NOX4: variants seen among roughly 807,000 people sequenced by gnomAD.
NOX4 encodes the protein NADPH oxidase 4, also known as kidney oxidase-1.
A neutral mutation model predicts 87.6 loss-of-function variants in NOX4; 69 were observed. The observed-to-expected ratio is 0.79, with a 90% confidence interval of 0.65 to 0.96. NOX4 has a LOEUF of 0.96. Among genes scored for constraint, NOX4 ranks in the 40% least tolerant of loss-of-function variants. NOX4 has a pLI of 0.00. For synonymous variants in NOX4, 275 were observed against 238.2 expected (o/e 1.15, Z -1.42); for missense variants, 680 against 681.5 (o/e 1.00, Z 0.02).
intron 8 of NOX4, among the ~76,000 whole-genome samples, chr11:89,420,210 G>T (rs1020218520): frequency 6.6e-6 from 1 of 152,018 alleles, no homozygotes; most frequent in Non-Finnish European, 1.5e-5. Context: ...TCTGAAAGAG[G>T]TTTAACAATA....
At chr11:89,426,648 A>G (rs1340506246) in intron 7 of NOX4, among the ~76,000 whole-genome samples, 4 of 152,166 alleles carry the variant, frequency 2.6e-5, no homozygotes, top group Admixed American at 2.6e-4. Context: ...CTGAGATCGA[A>G]ATGCAAGGCA....
intron 11 of NOX4, among the ~76,000 whole-genome samples, chr11:89,384,964 T>A (rs777707933): frequency 1.3e-5 from 2 of 152,170 alleles, no homozygotes; most frequent in Non-Finnish European, 2.9e-5. Flanking sequence ...GGTTTATCGA[T>A]GGCAGTTCCA....
chr11:89,523,685 G>A, the NOX4 span, among the ~76,000 whole-genome samples: 1 of 152,214 alleles, frequency 6.6e-6, no homozygotes, highest in South Asian at 2.1e-4. Context: ...TGTTCATGGT[G>A]GCTTTCTTCT....
chr11:89,418,717 T>A (rs576447189), intron 8 of NOX4, among the ~76,000 whole-genome samples: 1 of 151,830 alleles, frequency 6.6e-6, no homozygotes, highest in Non-Finnish European at 1.5e-5. Flanking sequence ...CGAAAGAACA[T>A]TGTGAGAATT....
chr11:89,326,981 T>G (rs1417172470), intron 17 of NOX4, 105 bp from the exon 18 acceptor site: 2 of 1,064,638 alleles, frequency 1.9e-6, no homozygotes, highest in Non-Finnish European at 2.7e-6. Context: ...AAAGTTGATT[T>G]CTTGCTATTT....
the NOX4 span, among the ~76,000 whole-genome samples, chr11:89,505,023 G>A: frequency 1.4e-4 from 22 of 151,968 alleles, no homozygotes; most frequent in African/African-American, 3.9e-4. Flanking sequence ...CTTACCAAGC[G>A]TCTTTTCTAT....
rs371461159 is a variant in NOX4, at chr11:89,477,816, G to T, written c.153+12642C>A. The stretch of plus-strand genomic sequence containing the variant: ...CCAAGAATTTGGGAGCTAAAATGTG[G>T]AAACCACAGCCAATTGGAAAACAAT... On this transcript the variant is annotated intron_variant, in intron 2 of 17. Coordinates refer to ENST00000263317, the MANE Select transcript of NOX4 (RefSeq NM_016931.5). 6.6e-5 allele frequency among the ~76,000 whole-genome samples: 10 copies of T among 152,208 alleles called. No individual in the cohort carries two copies. In the East Asian group the frequency reaches 1.5e-3, roughly 24 times the overall value.
intron 2 of NOX4, among the ~76,000 whole-genome samples, chr11:89,483,092 T>A (rs1338833812): frequency 2.0e-5 from 3 of 152,128 alleles, no homozygotes; most frequent in African/African-American, 7.2e-5. Context: ...TTCTTAATTC[T>A]GTAAAAATCA....
chr11:89,536,289 G>A, the NOX4 span, among the ~76,000 whole-genome samples: 1 of 151,854 alleles, frequency 6.6e-6, no homozygotes, highest in South Asian at 2.1e-4. Flanking sequence ...TGGGACTATA[G>A]GCGCCCGCCA....
At chr11:89,396,020 G>GT (rs1387675837) in intron 11 of NOX4, among the ~76,000 whole-genome samples, 1 of 152,144 alleles carries the variant, frequency 6.6e-6, no homozygotes, top group Non-Finnish European at 1.5e-5. Flanking sequence ...CTTTAAAGTA[G>GT]TTTTTTCCAA....
chr11:89,471,472 A>G (rs916844973), intron 2 of NOX4, among the ~76,000 whole-genome samples: 10 of 152,184 alleles, frequency 6.6e-5, no homozygotes, highest in Non-Finnish European at 1.0e-4. Flanking sequence ...TGGTAAGCAT[A>G]TTTTTATGGT....
the NOX4 span, among the ~76,000 whole-genome samples, chr11:89,579,863 T>A: frequency 2.6e-5 from 4 of 151,890 alleles, no homozygotes; most frequent in Non-Finnish European, 2.9e-5. Flanking sequence ...AGTATACACC[T>A]ATAGAAATTG....
chr11:89,573,176 G>T, the NOX4 span, among the ~76,000 whole-genome samples: 4 of 151,812 alleles, frequency 2.6e-5, 1 homozygote, highest in South Asian at 6.3e-4. Flanking sequence ...ATTATTTTTT[G>T]CAGTCGGTAT....
intron 2 of NOX4, among the ~76,000 whole-genome samples, chr11:89,479,377 T>G (rs1946298902): frequency 6.6e-6 from 1 of 152,160 alleles, no homozygotes; most frequent in Admixed American, 6.5e-5. Context: ...TATTTGCAAT[T>G]TGAAATCAGG....
In NOX4 at chr11:89,478,588, C is replaced by T. The variant is rs185222663; in HGVS notation, c.153+11870G>A. On this transcript the variant is annotated intron_variant, in intron 2 of 17. Coordinates refer to ENST00000263317, the MANE Select transcript of NOX4 (RefSeq NM_016931.5). ...TTGATTTTATCAAGAATCAGAATGA[C>T]GGTCATAAAGGACTTTAACGAATTA... Among the ~76,000 whole-genome samples the T allele has an allele frequency of 2.8e-4, 43 of 152,192 alleles. No individual in the cohort carries two copies. The East Asian group carries it at 7.0e-3, about 25-fold the overall frequency.
chr11:89,503,411 A>C, the NOX4 span, among the ~76,000 whole-genome samples: 1 of 152,038 alleles, frequency 6.6e-6, no homozygotes, highest in East Asian at 1.9e-4. Context: ...TTGGAATAAT[A>C]TAACTGTAGT....
chr11:89,389,047 C>T (rs1227471894), intron 11 of NOX4, among the ~76,000 whole-genome samples: 1 of 152,156 alleles, frequency 6.6e-6, no homozygotes, highest in Non-Finnish European at 1.5e-5. Context: ...GGTCTCCATC[C>T]CAAGCTGTGG....
At chr11:89,532,495 G>C in the NOX4 span, among the ~76,000 whole-genome samples, 82 of 152,298 alleles carry the variant, frequency 5.4e-4, no homozygotes, top group Middle Eastern at 3.4e-3. Flanking sequence ...TTCAAGGCCT[G>C]TACCTCCATT....
At chr11:89,500,586 G>A (rs1479251875), upstream of NOX4, among the ~76,000 whole-genome samples, 1 of 152,130 alleles carries the variant, frequency 6.6e-6, no homozygotes, top group African/African-American at 2.4e-5. Context: ...CAAATGAGAT[G>A]TGAGCAGAAG....
Sources: gnomAD v4.1 joint callset for allele counts (sites outside exome capture counted in the v4.1 genomes callset) on GRCh38, gnomAD v4.1.1 for gene constraint, MANE v1.5 for transcripts, NCBI Gene and HGNC (gene_info 2026-07-23, HGNC 2026-07-21) for gene names.